Variants in KRT73 observed in about 807,000 individuals in gnomAD.
KRT73 encodes the protein keratin 73, also known as keratin, type II cytoskeletal 73.
A neutral mutation model predicts 47.2 loss-of-function variants in KRT73; 44 were observed. That is an observed-to-expected ratio of 0.93 (90% CI 0.73 to 1.20). The LOEUF is 1.20. Among genes scored for constraint, KRT73 ranks in the 50% most tolerant of loss-of-function variants. The pLI is 0.00. For synonymous variants in KRT73, 285 were observed against 291.3 expected (o/e 0.98, Z 0.22); for missense variants, 713 against 704.5 (o/e 1.01, Z -0.14).
Position 52,613,686 on chromosome 12 carries a change from A to G in KRT73, c.984+2T>C. ...TCACTATGGGGAGTTTTGCGGCCTCACCTTGGTCTGGTACAGGGCCTCGGC... is the reference window on the plus strand; with the variant it reads ...TCACTATGGGGAGTTTTGCGGCCTCGCCTTGGTCTGGTACAGGGCCTCGGC... On this transcript the variant is annotated splice_donor_variant, in intron 5 of 8. Coordinates refer to ENST00000305748, the MANE Select transcript of KRT73 (RefSeq NM_175068.3). LOFTEE classifies it high-confidence loss of function. The G allele has an allele frequency of 2.5e-6, 4 of 1,614,010 alleles. No individual in the cohort carries two copies. Among genetic ancestry groups the G allele is most frequent in the Non-Finnish European group, 3.4e-6 (4 of 1,179,950 alleles).
intron 1 of KRT73, among the ~76,000 whole-genome samples, chr12:52,617,633 G>A (rs1433627379): frequency 2.0e-5 from 3 of 152,144 alleles, no homozygotes; most frequent in Non-Finnish European, 4.4e-5. Context: ...CATCTCCTTC[G>A]CCTAGCTTCT....
chr12:52,629,996 G>GTATT, the KRT73 span, among the ~76,000 whole-genome samples: 1 of 152,148 alleles, frequency 6.6e-6, no homozygotes, highest in Non-Finnish European at 1.5e-5. Context: ...AGCCGTGCCT[G>GTATT]GACCAGGTGA....
Position 52,608,361 on chromosome 12 carries a change from A to T in KRT73, c.1458T>A (p.Ser486=). 6.2e-7 allele frequency: 1 copy of T among 1,613,602 alleles called. No homozygotes were observed. The highest frequency in any genetic ancestry group is 8.5e-7 in the Non-Finnish European group (1 of 1,180,022). The part of the protein sequence containing the change: ...NAGTYGYWPS[S]VSGGYSMLPG... ...GCAGCATGCTGTAGCCCCCGCTGAC[A>T]GAGCTGGGCCAGTAGCCGTAGGTGC... Residue 486 remains serine, a synonymous_variant, in exon 9 of 9, where the codon TCT becomes TCA. Coordinates refer to ENST00000305748, the MANE Select transcript of KRT73 (RefSeq NM_175068.3).
chr12:52,608,743 T>C (rs1037399430), intron 8 of KRT73, among the ~76,000 whole-genome samples: 2 of 152,360 alleles, frequency 1.3e-5, no homozygotes, highest in East Asian at 3.9e-4. Flanking sequence ...AGCAGGTTCT[T>C]GCATTTAGCT....
chr12:52,610,595 A>G lies in KRT73; in HGVS notation c.1331+20T>C. 1 of 1,338,142 alleles carries G rather than the reference A, an allele frequency of 7.5e-7. No homozygotes were observed. Among genetic ancestry groups the G allele is most frequent in the South Asian group, 1.1e-5 (1 of 87,252 alleles). The allele number at this position is 1,338,142 out of a possible 1,614,324, so 82.9% of individuals were successfully genotyped here. ...AAGGTGGAGACTTGCAGTTTCTTCC[A>G]GTCCCTCGGTCCCACCCACCTGCAC... On this transcript the variant is annotated intron_variant, in intron 7 of 8. Transcript: ENST00000305748.
At chr12:52,610,934 A>G in intron 6 of KRT73, 99 bp from the exon 7 acceptor site, 1 of 1,124,478 alleles carries the variant, frequency 8.9e-7, no homozygotes, top group Non-Finnish European at 1.3e-6. Context: ...GTCCTGCCCC[A>G]TGTCCTGGAG....
chr12:52,610,473 C>T, intron 7 of KRT73, 142 bp downstream of exon 7: 1 of 774,118 alleles, frequency 1.3e-6, no homozygotes, highest in Non-Finnish European at 2.1e-6. Flanking sequence ...CATTATCTGG[C>T]AGGATGCTGT....
rs1006038011 is a variant in KRT73 at position 52,618,257 on chromosome 12, C to G, written c.268G>C (p.Ala90Pro). ...GFAGSMFGSVALGSVCPSLCP... is the reference protein window; with the variant it reads ...GFAGSMFGSVPLGSVCPSLCP... ...AACGACGGACACACGGACCCCAAGGCCACACTGCCAAACATGCTGCCAGCA... is the reference window on the plus strand; with the variant it reads ...AACGACGGACACACGGACCCCAAGGGCACACTGCCAAACATGCTGCCAGCA... Residue 90 changes from alanine (A) to proline (P), a missense_variant, in exon 1 of 9, where the codon GCC becomes CCC. Ala to Pro is a conservative substitution (Grantham distance 27). Coordinates refer to ENST00000305748, the MANE Select transcript of KRT73 (RefSeq NM_175068.3). 2 of 1,614,098 alleles carry G rather than the reference C, an allele frequency of 1.2e-6. No homozygotes were observed. Among genetic ancestry groups the G allele is most frequent in the African/African-American group, 2.7e-5 (2 of 74,934 alleles).
At chr12:52,610,569 T>C in intron 7 of KRT73, 46 bp downstream of exon 7, 1 of 770,530 alleles carries the variant, frequency 1.3e-6, no homozygotes, top group Non-Finnish European at 2.0e-6. Flanking sequence ...TGGGAAACTT[T>C]AAGGTGGAGA....
upstream of KRT73, chr12:52,618,706 A>G: frequency 1.6e-6 from 1 of 629,406 alleles, no homozygotes; most frequent in South Asian, 2.3e-5. Flanking sequence ...CACCAGGTAA[A>G]TGACTTGAAA....
intron 8 of KRT73, 38 bp from the exon 9 acceptor site, chr12:52,608,490 C>A (rs762110298): frequency 6.5e-7 from 1 of 1,547,122 alleles, no homozygotes; most frequent in Non-Finnish European, 8.7e-7. Flanking sequence ...AGTGTATATC[C>A]CAGGACAGAG....
chr12:52,609,432 T>A, intron 7 of KRT73, 151 bp from the exon 8 acceptor site: 2 of 697,192 alleles, frequency 2.9e-6, no homozygotes, highest in Non-Finnish European at 5.3e-6. Flanking sequence ...CCCTTGCATG[T>A]CTCTAAGCCC....
At chr12:52,621,324 A>G (rs1282692460), upstream of KRT73, among the ~76,000 whole-genome samples, 1 of 151,664 alleles carries the variant, frequency 6.6e-6, no homozygotes, top group Non-Finnish European at 1.5e-5. Context: ...AGAGAGAGAG[A>G]CAGGCAGGAA....
the KRT73 span, among the ~76,000 whole-genome samples, chr12:52,623,616 A>G: frequency 6.6e-6 from 1 of 152,160 alleles, no homozygotes; most frequent in Non-Finnish European, 1.5e-5. Context: ...AATTATGTTC[A>G]ATGGTTGAGG....
In KRT73 at chr12:52,608,215, G is replaced by A. The variant is rs758795980; in HGVS notation, c.1604C>T (p.Thr535Ile). The A allele has an allele frequency of 1.2e-6, 2 of 1,610,378 alleles. No homozygotes were observed. Among genetic ancestry groups the A allele is most frequent in the South Asian group, 2.2e-5 (2 of 90,326 alleles). ...GCACTTTTATCTCATGGTTTTTTTG[G>A]TGGGTGAGCTTAGAGCTAAGGTCTT... ...QGKTLALSSP[T>I]KKTMR The change falls in exon 9 of 9, where the codon ACC becomes ATC. Residue 535 changes from threonine to isoleucine, a missense_variant. Coordinates refer to ENST00000305748, the MANE Select transcript of KRT73 (RefSeq NM_175068.3).
upstream of KRT73, among the ~76,000 whole-genome samples, chr12:52,620,543 G>A (rs1940889988): frequency 6.6e-6 from 1 of 152,162 alleles, no homozygotes; most frequent in Non-Finnish European, 1.5e-5. Context: ...CTGGGGTGGA[G>A]GTGATTCAGG....
chr12:52,609,061 A>G (rs1940641690), intron 8 of KRT73, among the ~76,000 whole-genome samples, 186 bp downstream of exon 8: 1 of 152,186 alleles, frequency 6.6e-6, no homozygotes, highest in African/African-American at 2.4e-5. Context: ...CCTGGGCACT[A>G]GCTCCACCTG....
At position 52,618,523 on chromosome 12, in the gene KRT73, A is replaced by ATGG. The variant is rs879022781; in HGVS notation, c.-2_1dup (p.Arg1_?0). On this transcript the variant is annotated start_lost and start_retained_variant, in exon 1 of 9. Coordinates refer to ENST00000305748, the MANE Select transcript of KRT73 (RefSeq NM_175068.3). ...CGACTTGTAGGTGAATTGGCGGCTC[A>ATGG]TGGTGGGGAGGCCAGAAAGTGGGGA... 17 of 1,595,624 alleles carry ATGG rather than the reference A, an allele frequency of 1.1e-5. No individual in the cohort carries two copies. The Admixed American group carries it at 2.9e-4, about 28-fold the overall frequency.
intron 5 of KRT73, among the ~76,000 whole-genome samples, chr12:52,613,145 G>A (rs1469917386): frequency 6.6e-6 from 1 of 152,164 alleles, no homozygotes; most frequent in Admixed American, 6.5e-5. Flanking sequence ...GGAACAATCA[G>A]GAAGTTGCCA....
Sources: allele counts gnomAD v4.1 joint callset (sites outside exome capture counted in the v4.1 genomes callset), GRCh38; gene constraint gnomAD v4.1.1; transcripts MANE v1.5; gene names NCBI Gene and HGNC (gene_info 2026-07-23, HGNC 2026-07-21).